PI4K2A: variants seen among roughly 807,000 people sequenced by gnomAD.
PI4K2A encodes phosphatidylinositol 4-kinase type 2-alpha.
Under a neutral mutation model 55.0 loss-of-function variants are expected in PI4K2A, and 20 were observed. The ratio of observed to expected loss-of-function variants is 0.36; its 90% confidence interval spans 0.26 to 0.53. PI4K2A has a LOEUF of 0.53. Ranked by LOEUF, PI4K2A falls within the 20% of genes least tolerant of loss-of-function variation. PI4K2A has a pLI of 0.91. For missense variants in PI4K2A, 463 were observed against 637.1 expected (o/e 0.73, Z 2.94); for synonymous variants, 235 against 258.5 (o/e 0.91, Z 0.87).
In PI4K2A at chr10:97,667,429, C is replaced by T. The variant is rs554335633; in HGVS notation, c.1278+309C>T. Among the ~76,000 whole-genome samples, 4 of 152,242 alleles carry T rather than the reference C, an allele frequency of 2.6e-5. No individual in the cohort carries two copies. In the South Asian group the frequency reaches 6.2e-4, roughly 24 times the overall value. ...TTTACCATGTTGACCAGGCTGGTCTCGAACTCCTGACCTCAAGTGATGCAC... is the reference window on the plus strand; with the variant it reads ...TTTACCATGTTGACCAGGCTGGTCTTGAACTCCTGACCTCAAGTGATGCAC... On this transcript the variant is annotated intron_variant, in intron 8 of 8. Transcript: ENST00000370631.
chr10:97,643,550 G>T (rs1000690856), intron 1 of PI4K2A, among the ~76,000 whole-genome samples: 4 of 151,830 alleles, frequency 2.6e-5, no homozygotes, highest in Admixed American at 6.6e-5. Context: ...CAGACCATAG[G>T]TATGTTACTT....
At chr10:97,674,373 C>T (rs2041650789) in exon 9 of PI4K2A, 2 of 152,284 alleles carry the variant, frequency 1.3e-5, no homozygotes, top group Non-Finnish European at 2.9e-5. Context: ...AAACAGTTCT[C>T]CTGGAAGGGA....
intron 1 of PI4K2A, among the ~76,000 whole-genome samples, chr10:97,648,121 A>G (rs578234158): frequency 2.5e-3 from 287 of 114,168 alleles, no homozygotes; most frequent in African/African-American, 9.2e-3. Context: ...TTGAGATGCT[A>G]TTTCGCTCAT....
intron 1 of PI4K2A, among the ~76,000 whole-genome samples, chr10:97,644,760 C>T (rs549921414): frequency 1.3e-5 from 2 of 152,332 alleles, no homozygotes; most frequent in Admixed American, 1.3e-4. Context: ...TTGTCTAAAA[C>T]TTAGCTGTAG....
At chr10:97,665,752 C>G (rs2041607019) in intron 6 of PI4K2A, among the ~76,000 whole-genome samples, 1 of 151,982 alleles carries the variant, frequency 6.6e-6, no homozygotes, top group African/African-American at 2.4e-5. Context: ...GCCACCATGC[C>G]CAGCTAATTT....
chr10:97,652,061 C>G (rs2041532273), intron 2 of PI4K2A, among the ~76,000 whole-genome samples: 1 of 151,976 alleles, frequency 6.6e-6, no homozygotes. Context: ...CTAGTCTATG[C>G]TAGTTTATTT....
intron 6 of PI4K2A, among the ~76,000 whole-genome samples, chr10:97,665,265 G>A (rs548706370): frequency 4.7e-4 from 71 of 151,414 alleles, no homozygotes; most frequent in African/African-American, 1.6e-3. Flanking sequence ...CATTCTTCTC[G>A]TTCTTTCTGA....
chr10:97,653,146 A>G (rs76306222), intron 2 of PI4K2A, among the ~76,000 whole-genome samples: 2,409 of 152,314 alleles, frequency 0.016, 77 homozygotes, highest in African/African-American at 0.055. Flanking sequence ...AAACTTTTAC[A>G]TTCTCCTTGC....
intron 1 of PI4K2A, among the ~76,000 whole-genome samples, chr10:97,643,174 A>G (rs940581033): frequency 3.3e-5 from 5 of 151,676 alleles, no homozygotes; most frequent in African/African-American, 1.2e-4. Context: ...TCATGGAGAC[A>G]AGAGTCTCGC....
In PI4K2A at chr10:97,661,893, C is replaced by A. The variant is rs1251910279; in HGVS notation, c.923-1014C>A. Among the ~76,000 whole-genome samples the A allele has an allele frequency of 4.0e-5, 6 of 148,506 alleles. No homozygotes were observed. The East Asian group carries it at 1.2e-3, about 30-fold the overall frequency. Reference sequence around the variant, plus strand: ...TTTGAGGCAGGGTCTCACTCTGTTGCCCATGCTAGAGTACAGTGGTATGAT... The same window carrying A: ...TTTGAGGCAGGGTCTCACTCTGTTGACCATGCTAGAGTACAGTGGTATGAT... On this transcript the variant is annotated intron_variant, in intron 4 of 8. Coordinates refer to ENST00000370631, the Ensembl canonical transcript of PI4K2A.
chr10:97,673,473 G>A, intron 8 of PI4K2A, 108 bp from the exon 9 acceptor site: 4 of 812,824 alleles, frequency 4.9e-6, no homozygotes, highest in Non-Finnish European at 7.6e-6. Context: ...TTTTCCATTG[G>A]TATTTTAAAA....
chr10:97,657,683 G>GT (rs1197898727), intron 4 of PI4K2A, among the ~76,000 whole-genome samples: 3 of 142,106 alleles, frequency 2.1e-5, no homozygotes, highest in Non-Finnish European at 3.0e-5. Flanking sequence ...AAAAAAAAAA[G>GT]TCTCTAAAGT....
chr10:97,654,665 C>T (rs192327892), intron 2 of PI4K2A, among the ~76,000 whole-genome samples: 82 of 152,216 alleles, frequency 5.4e-4, no homozygotes, highest in African/African-American at 1.3e-3. Context: ...GCTGTGGATG[C>T]TAATATAAAT....
chr10:97,643,249 A>G (rs1330602158), intron 1 of PI4K2A, among the ~76,000 whole-genome samples: 1 of 152,068 alleles, frequency 6.6e-6, no homozygotes, highest in African/African-American at 2.4e-5. Context: ...TCAGCCTCCC[A>G]AAGTGCTGGG....
At chr10:97,647,087 C>T (rs2041508653) in intron 1 of PI4K2A, among the ~76,000 whole-genome samples, 2 of 151,924 alleles carry the variant, frequency 1.3e-5, no homozygotes, top group South Asian at 2.1e-4. Flanking sequence ...GGCTCAGGTT[C>T]CAGTAATTGG....
Position 97,656,940 on chromosome 10 carries a change from G to A in PI4K2A, c.888G>A (p.Arg296=), listed in dbSNP as rs1467227036. The change falls in exon 4 of 9, where the codon CGG becomes CGA. Residue 296 remains arginine (R), a synonymous_variant. Transcript: ENST00000370631. This position sits in a 1 kb window ranked among gnomAD's most constrained non-coding sequence, Gnocchi z 4.5. Reference sequence around the variant, plus strand: ...GGCAACTACTGCTCCAGTTTGAGCGGTTGGTGGTGCTGGATTACATCATCC... The same window carrying A: ...GGCAACTACTGCTCCAGTTTGAGCGATTGGTGGTGCTGGATTACATCATCC... The A allele has an allele frequency of 1.2e-6, 2 of 1,614,050 alleles. No individual in the cohort carries two copies. The highest frequency in any genetic ancestry group is 2.7e-5 in the African/African-American group (2 of 74,924).
rs2041477684 is a variant in PI4K2A, at chr10:97,642,806, T to TTC, written c.435+1629_435+1630insTC. On this transcript the variant is annotated intron_variant, in intron 1 of 8. Transcript: ENST00000370631. Reference sequence around the variant, plus strand: ...GCCAGAGGCTTGCTTGCTTTCTCTTTCTTCCTTCCTTCCTTCCTTCCTTCC... The same window carrying TTC: ...GCCAGAGGCTTGCTTGCTTTCTCTTTTCCTTCCTTCCTTCCTTCCTTCCTTCC... Among the ~76,000 whole-genome samples, 12 of 105,390 alleles carry TTC rather than the reference T, an allele frequency of 1.1e-4. 1 individual carries two copies. Among genetic ancestry groups the TTC allele is most frequent in the Middle Eastern group, 5.6e-3 (1 of 180 alleles). 69.1% of individuals were successfully genotyped at this position (105,390 alleles called of 152,430 possible).
At chr10:97,645,858 A>T (rs1045614859) in intron 1 of PI4K2A, among the ~76,000 whole-genome samples, 13 of 151,926 alleles carry the variant, frequency 8.6e-5, no homozygotes, top group African/African-American at 3.1e-4. Flanking sequence ...ATGGTTTTAT[A>T]TATTTCAACA....
chr10:97,659,978 TTTTCTTTTCTTTTTC>T (rs1342112659), intron 4 of PI4K2A, among the ~76,000 whole-genome samples: 1 of 151,626 alleles, frequency 6.6e-6, no homozygotes, highest in Admixed American at 6.6e-5. Context: ...TTTCCCTTCC[TTTTCTTTTCTTTTTC>T]TTTCTTTTCT....
Sources: gnomAD v4.1 joint callset for allele counts (sites outside exome capture counted in the v4.1 genomes callset) on GRCh38, gnomAD v4.1.1 for gene constraint, Gnocchi (gnomAD v3.1) non-coding constraint, MANE v1.5 for transcripts, NCBI Gene and HGNC (gene_info 2026-07-23, HGNC 2026-07-21) for gene names.